Variants in LYPLA1 observed in about 807,000 individuals in gnomAD.
LYPLA1 encodes the protein acyl-protein thioesterase 1.
Under a neutral mutation model 34.0 loss-of-function variants are expected in LYPLA1, and 17 were observed. That is an observed-to-expected ratio of 0.50 (90% CI 0.34 to 0.75). LYPLA1 has a LOEUF of 0.75. LYPLA1 is among the 30% of genes least tolerant of loss of function. LYPLA1 has a pLI of 0.01. For missense variants in LYPLA1, 203 were observed against 288.8 expected, an observed-to-expected ratio of 0.70 and a Z score of 2.15; for synonymous variants, 98 against 100.8, an observed-to-expected ratio of 0.97 and a Z score of 0.17.
At chr8:54,050,903 T>G (rs573292329) in intron 8 of LYPLA1, 109 bp downstream of exon 8, 105 of 1,157,172 alleles carry the variant, frequency 9.1e-5, no homozygotes, top group Admixed American at 1.4e-4. Flanking sequence ...TATGACTCAA[T>G]ATGAATTAAC....
chr8:54,076,242 G>C (rs925876014), intron 2 of LYPLA1, among the ~76,000 whole-genome samples: 8 of 151,986 alleles, frequency 5.3e-5, no homozygotes, highest in African/African-American at 1.9e-4. Context: ...AAAATTAAAA[G>C]AACAAATATT....
intron 2 of LYPLA1, among the ~76,000 whole-genome samples, chr8:54,094,096 A>G (rs1009919586): frequency 6.6e-6 from 1 of 152,228 alleles, no homozygotes; most frequent in Non-Finnish European, 1.5e-5. Flanking sequence ...TTGACCTCTC[A>G]GTAAAATCTG....
chr8:54,057,650 T>C (rs1337645379), intron 5 of LYPLA1, among the ~76,000 whole-genome samples: 1 of 152,156 alleles, frequency 6.6e-6, no homozygotes, highest in Non-Finnish European at 1.5e-5. Flanking sequence ...GAAGTATGGT[T>C]ATCAGAGGCT....
At chr8:54,097,683 A>G (rs891735637) in intron 2 of LYPLA1, among the ~76,000 whole-genome samples, 5 of 152,216 alleles carry the variant, frequency 3.3e-5, no homozygotes, top group African/African-American at 1.2e-4. Context: ...AAAATATTAC[A>G]TGGAAAATTC....
At chr8:54,086,121 C>A (rs1808745473) in intron 2 of LYPLA1, among the ~76,000 whole-genome samples, 1 of 152,054 alleles carries the variant, frequency 6.6e-6, no homozygotes, top group South Asian at 2.1e-4. Context: ...TAATCTATAA[C>A]CTTACCCCCA....
At chr8:54,089,628 C>CT (rs879905074) in intron 2 of LYPLA1, among the ~76,000 whole-genome samples, 253 of 142,380 alleles carry the variant, frequency 1.8e-3, no homozygotes, top group Non-Finnish European at 1.8e-3. Flanking sequence ...TTGCCAACCT[C>CT]TTTTTTTTTT....
At chr8:54,085,729 C>T (rs902871867) in intron 2 of LYPLA1, among the ~76,000 whole-genome samples, 1 of 150,780 alleles carries the variant, frequency 6.6e-6, no homozygotes, top group Non-Finnish European at 1.5e-5. Flanking sequence ...AAGTGAGGAG[C>T]CCCTCCGCCC....
At chr8:54,053,570 A>T (rs1805997095) in intron 6 of LYPLA1, 1 of 456,094 alleles carries the variant, frequency 2.2e-6, no homozygotes, top group Admixed American at 2.3e-5. Flanking sequence ...GCAACACATG[A>T]GTACACGAGA....
At chr8:54,100,774 G>A (rs1449500861) in intron 2 of LYPLA1, 134 bp downstream of exon 2, 4 of 703,050 alleles carry the variant, frequency 5.7e-6, no homozygotes, top group African/African-American at 1.9e-5. Context: ...TAAAATCACC[G>A]CACTGTAAGA....
chr8:54,070,611 G>A (rs946441601), intron 2 of LYPLA1, among the ~76,000 whole-genome samples: 7 of 152,082 alleles, frequency 4.6e-5, no homozygotes, highest in Non-Finnish European at 5.9e-5. Flanking sequence ...TAGTACCAGC[G>A]ACTGGGGAGA....
intron 5 of LYPLA1, among the ~76,000 whole-genome samples, chr8:54,061,351 G>A (rs546067429): frequency 6.6e-6 from 1 of 152,310 alleles, no homozygotes; most frequent in East Asian, 1.9e-4. Context: ...AAAGTGCTGG[G>A]ATTAAAGGCG....
chr8:54,059,495 G>A lies in LYPLA1; in HGVS notation c.286+2759C>T, dbSNP rs1354966322. Among the ~76,000 whole-genome samples, 18 of 88,848 alleles carry A rather than the reference G, an allele frequency of 2.0e-4. 2 individuals are homozygous for A. The highest frequency in any genetic ancestry group is 3.7e-4 in the Admixed American group (3 of 8,138). 58.3% of individuals were successfully genotyped at this position (88,848 alleles called of 152,430 possible). The stretch of plus-strand genomic sequence containing the variant: ...AATTTTTTGTATTTTTAGTAGAGAC[G>A]GGGTTTCACCTTGTTAGCCAGGATG... On this transcript the variant is annotated intron_variant, in intron 5 of 8. Coordinates refer to ENST00000316963, the MANE Select transcript of LYPLA1 (RefSeq NM_006330.4).
intron 2 of LYPLA1, among the ~76,000 whole-genome samples, chr8:54,098,594 T>C (rs1809867237): frequency 6.6e-6 from 1 of 152,040 alleles, no homozygotes; most frequent in African/African-American, 2.4e-5. Flanking sequence ...GGCACAAGAA[T>C]CACTTGAACC....
At chr8:54,093,497 C>T (rs1165009119) in intron 2 of LYPLA1, among the ~76,000 whole-genome samples, 4 of 152,260 alleles carry the variant, frequency 2.6e-5, no homozygotes, top group African/African-American at 4.8e-5. Context: ...CAGGCAAGGA[C>T]GGATCTTCCG....
At chr8:54,059,306 T>C (rs1400507161) in intron 5 of LYPLA1, among the ~76,000 whole-genome samples, 1 of 72,932 alleles carries the variant, frequency 1.4e-5, no homozygotes, top group Admixed American at 1.6e-4. Flanking sequence ...CCTGTTTTTT[T>C]TTTTTTTTTG....
At chr8:54,099,260 G>C (rs1809927124) in intron 2 of LYPLA1, among the ~76,000 whole-genome samples, 1 of 152,110 alleles carries the variant, frequency 6.6e-6, no homozygotes, top group African/African-American at 2.4e-5. Flanking sequence ...TCTGCTATTC[G>C]AGTTTCATTT....
downstream of LYPLA1, among the ~76,000 whole-genome samples, chr8:54,045,831 C>T (rs190686128): frequency 1.5e-3 from 227 of 152,278 alleles, no homozygotes; most frequent in African/African-American, 4.2e-3. Context: ...GAGGCTGAAG[C>T]GAGTGGATCA....
chr8:54,063,318 T>C lies in LYPLA1; in HGVS notation c.215+10A>G. 6.9e-7 allele frequency: 1 copy of C among 1,456,340 alleles called. No homozygotes were observed. Among genetic ancestry groups the C allele is most frequent in the Non-Finnish European group, 9.3e-7 (1 of 1,076,786 alleles). The allele number at this position is 1,456,340 out of a possible 1,614,324, so 90.2% of individuals were successfully genotyped here. A position where few individuals can be genotyped will look rare whatever the true frequency, so the allele number is the denominator to read the frequency against. On this transcript the variant is annotated intron_variant, in intron 4 of 8. Transcript: ENST00000316963. ...TAATGTTCTTATTCAATAAGTAAAT[T>C]CTTACTTACCATGAAGGCATAGCCA...
At chr8:54,085,796 C>T (rs1003648545) in intron 2 of LYPLA1, among the ~76,000 whole-genome samples, 9 of 129,450 alleles carry the variant, frequency 7.0e-5, no homozygotes, top group African/African-American at 2.6e-4. Context: ...CCAGCCGCCC[C>T]GTCCGCGAGG....
Sources: allele counts gnomAD v4.1 joint callset (sites outside exome capture counted in the v4.1 genomes callset), GRCh38; gene constraint gnomAD v4.1.1; transcripts MANE v1.5; gene names NCBI Gene and HGNC (gene_info 2026-07-23, HGNC 2026-07-21).